Variants in RAB38 observed in about 807,000 individuals in gnomAD.
The protein encoded by RAB38 is RAB38, member RAS oncogene family, also known as ras-related protein Rab-38.
In RAB38, 15 loss-of-function variants were observed where a neutral mutation model predicts 18.4. The observed-to-expected ratio is 0.82, with a 90% CI of 0.55 to 1.26. The LOEUF (loss-of-function observed/expected upper bound fraction) is 1.26, where lower values mean the gene tolerates loss of function less well. Ranked by LOEUF, RAB38 falls within the 50% of genes most tolerant of loss-of-function variation. The pLI, the probability that RAB38 is intolerant of heterozygous loss-of-function variation, is 0.00. For synonymous variants in RAB38, 101 were observed against 104.4 expected, an observed-to-expected ratio of 0.97 and a Z score of 0.20; for missense variants, 294 against 267.4, an observed-to-expected ratio of 1.10 and a Z score of -0.69.
the RAB38 span, among the ~76,000 whole-genome samples, chr11:88,054,728 A>G: frequency 6.6e-6 from 1 of 152,260 alleles, no homozygotes; most frequent in Non-Finnish European, 1.5e-5. Flanking sequence ...AGGGAAAGTA[A>G]CATCTGAGCA....
chr11:87,967,510 T>C, the RAB38 span, among the ~76,000 whole-genome samples: 1 of 152,156 alleles, frequency 6.6e-6, no homozygotes, highest in African/African-American at 2.4e-5. Flanking sequence ...AGATGGTGGA[T>C]CTGCTTACAT....
the RAB38 span, among the ~76,000 whole-genome samples, chr11:88,042,641 A>C: frequency 5.3e-5 from 8 of 152,206 alleles, no homozygotes; most frequent in African/African-American, 1.7e-4. Flanking sequence ...TACTGAAAGC[A>C]GACAGAAGCC....
the RAB38 span, among the ~76,000 whole-genome samples, chr11:87,866,879 T>C: frequency 6.6e-6 from 1 of 151,766 alleles, no homozygotes; most frequent in Non-Finnish European, 1.5e-5. Context: ...GATTTTGCTG[T>C]GGAGACTTGG....
chr11:88,015,006 T>C, the RAB38 span, among the ~76,000 whole-genome samples: 42 of 151,914 alleles, frequency 2.8e-4, no homozygotes, highest in Non-Finnish European at 4.9e-4. Flanking sequence ...TAACCAATAA[T>C]AGATCGACCT....
chr11:88,089,830 G>A, the RAB38 span, among the ~76,000 whole-genome samples: 2 of 152,020 alleles, frequency 1.3e-5, no homozygotes, highest in East Asian at 3.9e-4. Context: ...ACACAGATTT[G>A]ATTTTAAGGG....
In RAB38 at chr11:88,149,688, T is replaced by G; in HGVS notation, c.470A>C (p.Glu157Ala). 1.2e-6 allele frequency: 2 copies of G among 1,610,526 alleles called. No homozygotes were observed. Among genetic ancestry groups the G allele is most frequent in the Non-Finnish European group, 8.5e-7 (1 of 1,177,018 alleles). ...AAGTCACATTACCTTTGCTGATGTT[T>G]CAAACCATCCTACGAAACCGTGCTC... ...CKEHGFVGWF[E>A]TSAKENINID... is the part of the protein sequence containing the mutation. Residue 157 changes from glutamate (E) to alanine (A), a missense_variant, in exon 2 of 3, where the codon GAA becomes GCA. Physicochemically the swap from Glu to Ala is moderately radical, Grantham distance 107 (BLOSUM62 -1). Transcript: ENST00000243662.
chr11:88,136,377 C>T (rs542285362), intron 2 of RAB38, among the ~76,000 whole-genome samples: 3 of 152,088 alleles, frequency 2.0e-5, no homozygotes, highest in African/African-American at 4.8e-5. Flanking sequence ...ATGTGGCCAA[C>T]AAGACACATC....
chr11:87,893,884 T>C, the RAB38 span, among the ~76,000 whole-genome samples: 1 of 151,726 alleles, frequency 6.6e-6, no homozygotes, highest in Non-Finnish European at 1.5e-5. Context: ...CAGGGTTGTT[T>C]TGGCTATCCA....
the RAB38 span, among the ~76,000 whole-genome samples, chr11:87,946,613 TC>T: frequency 6.6e-6 from 1 of 152,102 alleles, no homozygotes; most frequent in African/African-American, 2.4e-5. Flanking sequence ...ATTGTTCAAT[TC>T]CCAGGTATAA....
At chr11:87,900,618 A>G in the RAB38 span, among the ~76,000 whole-genome samples, 1 of 151,012 alleles carries the variant, frequency 6.6e-6, no homozygotes, top group Non-Finnish European at 1.5e-5. Flanking sequence ...TCTAATGTTC[A>G]TCTCTCCTTA....
chr11:87,948,855 T>G, the RAB38 span, among the ~76,000 whole-genome samples: 8,338 of 152,202 alleles, frequency 0.055, 324 homozygotes, highest in Non-Finnish European at 0.085. Context: ...AAATTCTTTT[T>G]TTGTTGTGTC....
At chr11:88,033,125 G>A in the RAB38 span, among the ~76,000 whole-genome samples, 2 of 151,066 alleles carry the variant, frequency 1.3e-5, no homozygotes, top group African/African-American at 4.9e-5. Context: ...ACTATTGCAA[G>A]AACAAAAAAC....
the RAB38 span, among the ~76,000 whole-genome samples, chr11:87,943,774 G>C: frequency 4.5e-4 from 69 of 152,230 alleles, no homozygotes; most frequent in South Asian, 6.0e-3. Context: ...GCAACTGAAT[G>C]TGTCCTACAT....
At chr11:87,947,404 T>C in the RAB38 span, among the ~76,000 whole-genome samples, 1 of 152,216 alleles carries the variant, frequency 6.6e-6, no homozygotes, top group South Asian at 2.1e-4. Flanking sequence ...TAGATCCCAT[T>C]TGTCAATTTT....
chr11:87,856,332 CT>C, the RAB38 span, among the ~76,000 whole-genome samples: 4 of 152,034 alleles, frequency 2.6e-5, no homozygotes, highest in Non-Finnish European at 4.4e-5. Context: ...CTATAGGAAT[CT>C]TTTTTTAAAG....
intron 2 of RAB38, among the ~76,000 whole-genome samples, chr11:88,124,668 T>C (rs1942671950): frequency 1.3e-5 from 2 of 152,180 alleles, no homozygotes; most frequent in Admixed American, 1.3e-4. Context: ...ATTCTTAGCC[T>C]GCGCAACCTC....
the RAB38 span, among the ~76,000 whole-genome samples, chr11:87,866,518 T>C: frequency 1.3e-5 from 2 of 151,918 alleles, no homozygotes; most frequent in Admixed American, 6.6e-5. Flanking sequence ...AATTCTATTA[T>C]TGATTTTAGC....
the RAB38 span, among the ~76,000 whole-genome samples, chr11:87,878,994 C>G: frequency 1.5e-5 from 2 of 137,438 alleles, no homozygotes; most frequent in Non-Finnish European, 3.1e-5. Flanking sequence ...TTTTTTGCCT[C>G]AGTGGAAAAT....
chr11:88,043,115 A>T, the RAB38 span, among the ~76,000 whole-genome samples: 24 of 152,214 alleles, frequency 1.6e-4, no homozygotes, highest in African/African-American at 5.8e-4. Flanking sequence ...AGAGATCAGA[A>T]ATCATCTAGA....
Sources: gnomAD v4.1 joint callset for allele counts (sites outside exome capture counted in the v4.1 genomes callset) on GRCh38, gnomAD v4.1.1 for gene constraint, MANE v1.5 for transcripts, NCBI Gene and HGNC (gene_info 2026-07-23, HGNC 2026-07-21) for gene names.